Variants in USP28 observed in about 807,000 individuals in gnomAD.
The protein encoded by USP28 is ubiquitin carboxyl-terminal hydrolase 28.
Under a neutral mutation model 145.0 loss-of-function variants are expected in USP28, and 113 were observed. That is an observed-to-expected ratio of 0.78 (90% CI 0.67 to 0.91). USP28 has a LOEUF of 0.91. Ranked by LOEUF, USP28 falls within the 40% of genes least tolerant of loss-of-function variation. USP28 has a pLI of 0.00. For synonymous variants in USP28, 447 were observed against 450.9 expected, an observed-to-expected ratio of 0.99 and a Z score of 0.11; for missense variants, 1,201 against 1,289.6, an observed-to-expected ratio of 0.93 and a Z score of 1.05.
chr11:113,870,521 C>T (rs777537938), intron 1 of USP28, among the ~76,000 whole-genome samples: 2 of 152,318 alleles, frequency 1.3e-5, no homozygotes, highest in Admixed American at 6.5e-5. Context: ...AGGGAGAGAT[C>T]CTGCCTTGGC....
chr11:113,815,432 TG>T, intron 13 of USP28, 50 bp from the exon 14 acceptor site: 1 of 1,552,294 alleles, frequency 6.4e-7, no homozygotes, highest in Non-Finnish European at 8.8e-7. Context: ...AAAGATACCT[TG>T]GCCTAAATTA....
intron 16 of USP28, 72 bp from the exon 17 acceptor site, chr11:113,809,326 AG>A: frequency 6.9e-7 from 1 of 1,448,484 alleles, no homozygotes. Context: ...AGAAGAAAGC[AG>A]GGTATTTCAT....
At chr11:113,833,060 A>C (rs1176312366) in intron 7 of USP28, among the ~76,000 whole-genome samples, 2 of 152,244 alleles carry the variant, frequency 1.3e-5, no homozygotes, top group Admixed American at 1.3e-4. Context: ...GGACCATTCC[A>C]AGACAAAGGT....
chr11:113,855,637 TC>T (rs1442970182), intron 1 of USP28, among the ~76,000 whole-genome samples: 1 of 151,954 alleles, frequency 6.6e-6, no homozygotes, highest in Admixed American at 6.6e-5. Context: ...CCTAAAGAGG[TC>T]GGGCATGGTG....
intron 13 of USP28, among the ~76,000 whole-genome samples, chr11:113,816,106 T>C (rs17723728): frequency 0.1 from 15,697 of 152,186 alleles, 868 homozygotes; most frequent in Middle Eastern, 0.17. Flanking sequence ...ATTGTCAGAG[T>C]AAAACTGCAG....
chr11:113,865,924 G>A (rs1948205597), intron 1 of USP28, among the ~76,000 whole-genome samples: 1 of 152,178 alleles, frequency 6.6e-6, no homozygotes, highest in African/African-American at 2.4e-5. Context: ...CTGCATCAAA[G>A]GGCATTATCA....
At chr11:113,842,367 C>T (rs1276441984) in intron 3 of USP28, among the ~76,000 whole-genome samples, 1 of 151,738 alleles carries the variant, frequency 6.6e-6, no homozygotes, top group African/African-American at 2.4e-5. Context: ...GGGCGGATCA[C>T]GAGGTCAAGA....
chr11:113,854,214 A>G (rs1476474866), intron 2 of USP28, 44 bp downstream of exon 2: 2 of 1,533,998 alleles, frequency 1.3e-6, no homozygotes, highest in South Asian at 2.3e-5. Flanking sequence ...TAATATAGAC[A>G]GCTGCTTTAA....
chr11:113,800,849 T>A (rs1298519582), intron 24 of USP28, among the ~76,000 whole-genome samples: 1 of 151,674 alleles, frequency 6.6e-6, no homozygotes, highest in Non-Finnish European at 1.5e-5. Context: ...TGATTTTTTT[T>A]TTTTTTTTTT....
exon 14 of USP28, chr11:113,815,236 T>C: frequency 6.2e-7 from 1 of 1,614,180 alleles, no homozygotes. Context: ...AAAATTTATC[T>C]CCTCATCTGT....
At chr11:113,816,116 G>A (rs1345331564) in intron 13 of USP28, among the ~76,000 whole-genome samples, 1 of 152,118 alleles carries the variant, frequency 6.6e-6, no homozygotes, top group Non-Finnish European at 1.5e-5. Context: ...TAAAACTGCA[G>A]GTCAACAAAC....
intron 16 of USP28, 109 bp downstream of exon 16, chr11:113,812,166 TA>T: frequency 1.5e-6 from 1 of 677,200 alleles, no homozygotes; most frequent in East Asian, 2.8e-5. Context: ...TTAAATCTAT[TA>T]TTATATAATA....
At chr11:113,840,465 C>T (rs1293358079) in intron 5 of USP28, 133 bp downstream of exon 5, 2 of 1,174,492 alleles carry the variant, frequency 1.7e-6, no homozygotes, top group Non-Finnish European at 2.3e-6. Flanking sequence ...AATCCATACA[C>T]AATAATGCCA....
intron 7 of USP28, 112 bp downstream of exon 7, chr11:113,833,308 C>A: frequency 7.1e-7 from 1 of 1,416,560 alleles, no homozygotes; most frequent in Non-Finnish European, 9.6e-7. Flanking sequence ...AACGAGCATC[C>A]ATAGTCCTGC....
chr11:113,874,451 TG>T, intron 1 of USP28: 1 of 445,008 alleles, frequency 2.2e-6, no homozygotes, highest in Non-Finnish European at 2.9e-6. Context: ...AAAAAAAAAG[TG>T]TCTCCATGCT....
intron 10 of USP28, among the ~76,000 whole-genome samples, chr11:113,827,807 A>T (rs73552965): frequency 0.022 from 3,348 of 152,328 alleles, 109 homozygotes; most frequent in African/African-American, 0.075. Flanking sequence ...AAAAAGACTC[A>T]TATGTGTACA....
At chr11:113,867,300 CTT>C (rs1038643327) in intron 1 of USP28, among the ~76,000 whole-genome samples, 4 of 151,930 alleles carry the variant, frequency 2.6e-5, no homozygotes, top group Admixed American at 2.0e-4. Context: ...GAGTTTTACT[CTT>C]GTCACTCAGG....
intron 16 of USP28, 40 bp downstream of exon 16, chr11:113,812,236 G>C: frequency 6.5e-7 from 1 of 1,541,816 alleles, no homozygotes; most frequent in Non-Finnish European, 8.9e-7. Flanking sequence ...GAGCAGTACA[G>C]ATTTTCCCCA....
chr11:113,842,471 G>C (rs1006257098), intron 3 of USP28, among the ~76,000 whole-genome samples: 7 of 151,894 alleles, frequency 4.6e-5, no homozygotes, highest in African/African-American at 1.7e-4. Flanking sequence ...TGTAGTCCCA[G>C]CTACTCAGGA....
Sources: allele counts gnomAD v4.1 joint callset (sites outside exome capture counted in the v4.1 genomes callset), GRCh38; gene constraint gnomAD v4.1.1; transcripts MANE v1.5; gene names NCBI Gene and HGNC (gene_info 2026-07-23, HGNC 2026-07-21).